The following RPS6KC1 variants were observed in gnomAD, a reference collection of about 807,000 sequenced individuals.
The protein encoded by RPS6KC1 is ribosomal protein S6 kinase C1.
Under a neutral mutation model 103.8 loss-of-function variants are expected in RPS6KC1, and 54 were observed. That is an observed-to-expected ratio of 0.52 (90% confidence interval 0.42 to 0.65). The LOEUF (loss-of-function observed/expected upper bound fraction) is 0.65. RPS6KC1 is among the 30% of genes least tolerant of loss of function. The pLI, the probability that RPS6KC1 is intolerant of heterozygous loss-of-function variation, is 0.00. For synonymous variants in RPS6KC1, 439 were observed against 438.7 expected (o/e 1.00, Z -0.01); for missense variants, 1,151 against 1,253.8 (o/e 0.92, Z 1.24).
At chr1:213,083,269 G>A (rs1416610400) in intron 3 of RPS6KC1, among the ~76,000 whole-genome samples, 1 of 152,180 alleles carries the variant, frequency 6.6e-6, no homozygotes, top group Non-Finnish European at 1.5e-5. Flanking sequence ...GACTCAGAGG[G>A]TGGAACCAGT....
the RPS6KC1 span, among the ~76,000 whole-genome samples, chr1:213,624,448 AG>A: frequency 1.3e-5 from 2 of 152,232 alleles, no homozygotes; most frequent in South Asian, 4.1e-4. Flanking sequence ...AGGGCTGAAT[AG>A]TTGCAGGACT....
chr1:213,665,223 C>CA, the RPS6KC1 span, among the ~76,000 whole-genome samples: 2 of 151,610 alleles, frequency 1.3e-5, no homozygotes, highest in African/African-American at 2.4e-5. Context: ...ACAACAACAA[C>CA]ACATTTTTCG....
chr1:213,724,504 G>A, the RPS6KC1 span, among the ~76,000 whole-genome samples: 2 of 152,294 alleles, frequency 1.3e-5, no homozygotes, highest in East Asian at 1.9e-4. Context: ...GAGTAAGACC[G>A]TGGCTGGCTG....
the RPS6KC1 span, among the ~76,000 whole-genome samples, chr1:213,551,934 C>G: frequency 6.6e-6 from 1 of 152,186 alleles, no homozygotes; most frequent in Non-Finnish European, 1.5e-5. Flanking sequence ...TCCAGAATGT[C>G]ATATAGTTTG....
the RPS6KC1 span, among the ~76,000 whole-genome samples, chr1:213,446,809 A>G: frequency 6.6e-6 from 1 of 152,142 alleles, no homozygotes; most frequent in Non-Finnish European, 1.5e-5. Context: ...TTGGTCTGCT[A>G]CTGATTCAAC....
At chr1:213,646,882 C>CAT in the RPS6KC1 span, among the ~76,000 whole-genome samples, 9,223 of 147,100 alleles carry the variant, frequency 0.063, 334 homozygotes, top group East Asian at 0.16. Context: ...TGTGTGTATG[C>CAT]ATATATATAT....
the RPS6KC1 span, among the ~76,000 whole-genome samples, chr1:213,464,741 T>C: frequency 6.6e-6 from 1 of 152,126 alleles, no homozygotes; most frequent in African/African-American, 2.4e-5. Flanking sequence ...TGTCGTATTC[T>C]GTTTGTTTTT....
At chr1:213,410,279 G>A in the RPS6KC1 span, among the ~76,000 whole-genome samples, 5 of 152,154 alleles carry the variant, frequency 3.3e-5, no homozygotes, top group Admixed American at 6.5e-5. Context: ...GGCCCCTGAG[G>A]AAATGAGAGG....
the RPS6KC1 span, among the ~76,000 whole-genome samples, chr1:213,762,146 G>A: frequency 2.6e-5 from 4 of 152,130 alleles, no homozygotes; most frequent in South Asian, 2.1e-4. Context: ...TCAGAGGTGC[G>A]CTGTCTCGGG....
chr1:213,415,970 G>A, the RPS6KC1 span, among the ~76,000 whole-genome samples: 2 of 152,224 alleles, frequency 1.3e-5, no homozygotes, highest in Non-Finnish European at 2.9e-5. Context: ...GCACAACCTG[G>A]AAATTGACGG....
intron 1 of RPS6KC1, among the ~76,000 whole-genome samples, chr1:213,069,536 T>A (rs1165390581): frequency 6.6e-6 from 1 of 152,206 alleles, no homozygotes; most frequent in South Asian, 2.1e-4. Context: ...CATCCTCTAT[T>A]TTTTGTTCTT....
the RPS6KC1 span, among the ~76,000 whole-genome samples, chr1:213,846,810 T>A: frequency 6.6e-6 from 1 of 152,158 alleles, no homozygotes; most frequent in Non-Finnish European, 1.5e-5. Flanking sequence ...ATCTGCAACC[T>A]AAGCTTAAAT....
chr1:213,752,988 G>A, the RPS6KC1 span, among the ~76,000 whole-genome samples: 26 of 152,264 alleles, frequency 1.7e-4, no homozygotes, highest in African/African-American at 5.5e-4. Flanking sequence ...AGCCTGCATC[G>A]TCAGTTTCCA....
At chr1:213,662,428 ATTTTTTTT>A in the RPS6KC1 span, among the ~76,000 whole-genome samples, 6 of 120,922 alleles carry the variant, frequency 5.0e-5, no homozygotes, top group East Asian at 9.6e-4. Context: ...CACCTGGCTA[ATTTTTTTT>A]TTTTTTTTTT....
chr1:213,126,807 G>A (rs933159071), intron 5 of RPS6KC1, among the ~76,000 whole-genome samples: 2 of 152,112 alleles, frequency 1.3e-5, no homozygotes, highest in African/African-American at 4.8e-5. Context: ...ATTGTCTATG[G>A]CTGCTTTTGC....
At chr1:213,772,727 G>GTGTC in the RPS6KC1 span, among the ~76,000 whole-genome samples, 1 of 152,126 alleles carries the variant, frequency 6.6e-6, no homozygotes, top group Non-Finnish European at 1.5e-5. Flanking sequence ...GCTCTGTCTG[G>GTGTC]TGTCTGAACA....
the RPS6KC1 span, among the ~76,000 whole-genome samples, chr1:213,490,088 A>C: frequency 3.9e-5 from 6 of 152,208 alleles, no homozygotes; most frequent in African/African-American, 1.4e-4. Context: ...GGTTTGTGAC[A>C]ATCCTGGCAA....
chr1:213,632,981 G>A, the RPS6KC1 span, among the ~76,000 whole-genome samples: 1 of 152,172 alleles, frequency 6.6e-6, no homozygotes, highest in Non-Finnish European at 1.5e-5. Flanking sequence ...AATAAAGTGA[G>A]GAGAGAAATT....
chr1:213,645,847 C>T, the RPS6KC1 span, among the ~76,000 whole-genome samples: 5 of 152,262 alleles, frequency 3.3e-5, no homozygotes, highest in East Asian at 5.8e-4. Context: ...ATGCCTGACC[C>T]GCTGCTCCAG....
Sources: allele counts gnomAD v4.1 joint callset (sites outside exome capture counted in the v4.1 genomes callset), GRCh38; gene constraint gnomAD v4.1.1; transcripts MANE v1.5; gene names NCBI Gene and HGNC (gene_info 2026-07-23, HGNC 2026-07-21).